The following OSMR variants were observed in gnomAD, a reference collection of about 807,000 sequenced individuals.
OSMR encodes the protein oncostatin-M-specific receptor subunit beta.
A neutral mutation model predicts 99.9 loss-of-function variants in OSMR; 81 were observed. The ratio of observed to expected loss-of-function variants is 0.81; its 90% confidence interval spans 0.68 to 0.97. The LOEUF (loss-of-function observed/expected upper bound fraction) is 0.97. Among genes scored for constraint, OSMR ranks in the 50% least tolerant of loss-of-function variants. The pLI, the probability that OSMR is intolerant of heterozygous loss-of-function variation, is 0.00. For missense variants in OSMR, 1,099 were observed against 1,153.4 expected, an observed-to-expected ratio of 0.95 and a Z score of 0.68; for synonymous variants, 406 against 410.4, an observed-to-expected ratio of 0.99 and a Z score of 0.13.
chr5:38,865,997 G>A (rs569760622), intron 1 of OSMR, among the ~76,000 whole-genome samples: 1 of 152,322 alleles, frequency 6.6e-6, no homozygotes, highest in South Asian at 2.1e-4. Context: ...CAGGAGGCAG[G>A]TGCAGATGCT....
At chr5:38,899,132 G>A (rs1398689481) in intron 7 of OSMR, among the ~76,000 whole-genome samples, 3 of 151,834 alleles carry the variant, frequency 2.0e-5, no homozygotes, top group Non-Finnish European at 4.4e-5. Flanking sequence ...GCTAAATTTT[G>A]TATTTCTAGT....
In OSMR at chr5:38,883,960, A is replaced by G. The variant is rs757676147; in HGVS notation, c.552A>G (p.Lys184=). 3.7e-6 allele frequency: 6 copies of G among 1,613,920 alleles called. No individual in the cohort carries two copies. The African/African-American group carries it at 6.7e-5, about 18-fold the overall frequency. Residue 184 remains lysine (K), a synonymous_variant, in exon 5 of 18, where the codon AAA becomes AAG. Transcript: ENST00000274276. Reference sequence around the variant, plus strand: ...ATGTATCCTGTTATTTGGAAGGGAAACAGATTCATGGAGAACAACTTGATC... The same window carrying G: ...ATGTATCCTGTTATTTGGAAGGGAAGCAGATTCATGGAGAACAACTTGATC... ...QNNVSCYLEG[K]QIHGEQLDPH...
intron 3 of OSMR, among the ~76,000 whole-genome samples, chr5:38,879,814 G>C (rs190120539): frequency 8.0e-4 from 121 of 152,108 alleles, no homozygotes; most frequent in African/African-American, 2.9e-3. Context: ...AGTAGAAATG[G>C]GGTTTCACCA....
chr5:38,942,090 T>A (rs1439559176), intron 1 of OSMR: 1 of 393,268 alleles, frequency 2.5e-6, no homozygotes, highest in Non-Finnish European at 4.6e-6. Context: ...TAATGAATCA[T>A]GAACCCCTCA....
intron 1 of OSMR, among the ~76,000 whole-genome samples, chr5:38,865,740 T>TG (rs1741887950): frequency 1.3e-5 from 2 of 151,716 alleles, no homozygotes; most frequent in African/African-American, 4.9e-5. Flanking sequence ...GGCCTCCATG[T>TG]GGCTTGCTTG....
At chr5:38,861,136 T>G (rs1741256746) in intron 1 of OSMR, among the ~76,000 whole-genome samples, 1 of 152,172 alleles carries the variant, frequency 6.6e-6, no homozygotes, top group South Asian at 2.1e-4. Context: ...TTTTTGAAAT[T>G]TTTATTGATC....
At chr5:38,871,898 C>T (rs1348156914) in intron 2 of OSMR, among the ~76,000 whole-genome samples, 1 of 151,838 alleles carries the variant, frequency 6.6e-6, no homozygotes, top group African/African-American at 2.4e-5. Flanking sequence ...GGTTTATTTC[C>T]TTGAGTAGTG....
chr5:38,894,187 G>A (rs1744337743), intron 7 of OSMR, among the ~76,000 whole-genome samples: 1 of 152,136 alleles, frequency 6.6e-6, no homozygotes, highest in Non-Finnish European at 1.5e-5. Flanking sequence ...AGTTCTAAAT[G>A]TGGAAACAAA....
At chr5:38,923,065 C>A (rs115752782) in intron 12 of OSMR, 85 bp from the exon 13 acceptor site, 7 of 1,553,044 alleles carry the variant, frequency 4.5e-6, no homozygotes, top group Non-Finnish European at 6.1e-6. Flanking sequence ...CGTGAGCCAA[C>A]GTGTCATGCC....
Position 38,881,716 on chromosome 5 carries a change from C to T in OSMR, c.370C>T (p.Pro124Ser). ...GAGTTTGGTGGACGATGCCAAGTTCCCTGAGCCAAATTTCTGGAGCAACTG... is the reference window on the plus strand; with the variant it reads ...GAGTTTGGTGGACGATGCCAAGTTCTCTGAGCCAAATTTCTGGAGCAACTG... ...IKSLVDDAKFPEPNFWSNWSS... is the reference protein window; with the variant it reads ...IKSLVDDAKFSEPNFWSNWSS... Residue 124 changes from proline (P) to serine (S), a missense_variant, in exon 4 of 18, where the codon CCT (proline) becomes TCT (serine). Pro to Ser is a moderately conservative substitution (Grantham distance 74). Transcript: ENST00000274276. 6.2e-7 allele frequency: 1 copy of T among 1,614,164 alleles called. No homozygotes were observed. Among genetic ancestry groups the T allele is most frequent in the Non-Finnish European group, 8.5e-7 (1 of 1,180,038 alleles).
intron 1 of OSMR, among the ~76,000 whole-genome samples, chr5:38,868,306 C>T (rs1302083039): frequency 6.6e-6 from 1 of 152,180 alleles, no homozygotes; most frequent in Non-Finnish European, 1.5e-5. Context: ...TCAGCTAGAG[C>T]AGCTGAGGTG....
chr5:38,863,820 T>A (rs991811703), intron 1 of OSMR, among the ~76,000 whole-genome samples: 1 of 152,216 alleles, frequency 6.6e-6, no homozygotes, highest in Non-Finnish European at 1.5e-5. Context: ...TAATATTTGC[T>A]TTATTATATA....
chr5:38,912,603 A>G (rs1038809923), intron 9 of OSMR, among the ~76,000 whole-genome samples: 1 of 152,212 alleles, frequency 6.6e-6, no homozygotes, highest in Non-Finnish European at 1.5e-5. Context: ...AACAAAAAAG[A>G]GCCTATATAG....
chr5:38,905,500 A>C (rs1264012630), intron 9 of OSMR, among the ~76,000 whole-genome samples: 1 of 152,088 alleles, frequency 6.6e-6, no homozygotes, highest in East Asian at 1.9e-4. Flanking sequence ...AAAAAAAAAA[A>C]ATCATAGGAG....
intron 15 of OSMR, among the ~76,000 whole-genome samples, chr5:38,929,669 C>CAT (rs1372575118): frequency 6.6e-6 from 1 of 152,154 alleles, no homozygotes. Flanking sequence ...CTAAAATGAG[C>CAT]ATATATATAC....
chr5:38,880,409 G>A (rs1743186670), intron 3 of OSMR, among the ~76,000 whole-genome samples: 1 of 152,170 alleles, frequency 6.6e-6, no homozygotes, highest in East Asian at 1.9e-4. Context: ...GGCACACTGA[G>A]GAGAAAGCAT....
chr5:38,908,126 C>T (rs543912074), intron 9 of OSMR, among the ~76,000 whole-genome samples: 29 of 152,298 alleles, frequency 1.9e-4, no homozygotes, highest in Admixed American at 1.1e-3. Flanking sequence ...GTGGCTGCTG[C>T]AAACCAGCAC....
At chr5:38,853,890 G>C (rs1740647988) in intron 1 of OSMR, among the ~76,000 whole-genome samples, 2 of 152,160 alleles carry the variant, frequency 1.3e-5, no homozygotes, top group African/African-American at 4.8e-5. Context: ...CATGAAAGGA[G>C]AAATACTCAA....
In OSMR at chr5:38,870,005, T is replaced by G. The variant is rs1017688478; in HGVS notation, c.73+888T>G. Among the ~76,000 whole-genome samples the G allele has an allele frequency of 4.5e-4, 69 of 152,300 alleles. 1 individual carries two copies. The highest frequency in any genetic ancestry group is 1.3e-3 in the African/African-American group (56 of 41,550). On this transcript the variant is annotated intron_variant, in intron 2 of 17. Transcript: ENST00000274276. ...GGAATATGCATAGAATTTCTCATCT[T>G]TCTTGAAACTCCATGAAAATATATT...
Sources: allele counts gnomAD v4.1 joint callset (sites outside exome capture counted in the v4.1 genomes callset), GRCh38; gene constraint gnomAD v4.1.1; transcripts MANE v1.5; gene names NCBI Gene and HGNC (gene_info 2026-07-23, HGNC 2026-07-21).